The following MACROD2 variants were observed in gnomAD, a reference collection of about 807,000 sequenced individuals.
The protein encoded by MACROD2 is mono-ADP ribosylhydrolase 2.
In MACROD2, 36 loss-of-function variants were observed where a neutral mutation model predicts 70.4. The observed-to-expected ratio is 0.51, with a 90% CI of 0.39 to 0.68. The LOEUF is 0.68. Among genes scored for constraint, MACROD2 ranks in the 30% least tolerant of loss-of-function variants. MACROD2 has a pLI of 0.00. For synonymous variants in MACROD2, 172 were observed against 178.8 expected (o/e 0.96, Z 0.30); for missense variants, 496 against 538.4 (o/e 0.92, Z 0.78).
chr20:14,159,007 C>T (rs1195572935), intron 3 of MACROD2, among the ~76,000 whole-genome samples: 1 of 152,084 alleles, frequency 6.6e-6, no homozygotes, highest in African/African-American at 2.4e-5. Flanking sequence ...GAAGCTGAGG[C>T]AGGTGGATTG....
chr20:15,195,363 A>G lies in MACROD2; in HGVS notation c.419-34577A>G, dbSNP rs1018464575. On this transcript the variant is annotated intron_variant, in intron 5 of 17. Transcript: ENST00000684519. ...GACAAAGTTCTAATATCCAGATTCT[A>G]TAAGAAACTTAAACAAATTTACAGG... Among the ~76,000 whole-genome samples the G allele has an allele frequency of 5.3e-5, 8 of 152,342 alleles. No homozygotes were observed. The East Asian group carries it at 1.3e-3, about 26-fold the overall frequency.
At chr20:16,004,634 C>T (rs1333471902) in intron 15 of MACROD2, among the ~76,000 whole-genome samples, 3 of 152,240 alleles carry the variant, frequency 2.0e-5, no homozygotes, top group African/African-American at 2.4e-5. Context: ...GCCTTTATCT[C>T]GGCTGTTTGC....
intron 3 of MACROD2, among the ~76,000 whole-genome samples, chr20:14,260,412 T>C (rs191533489): frequency 6.6e-6 from 1 of 152,240 alleles, no homozygotes; most frequent in Non-Finnish European, 1.5e-5. Context: ...TTCTCAAAGA[T>C]AAAGGTACTT....
intron 5 of MACROD2, among the ~76,000 whole-genome samples, chr20:15,101,821 A>G (rs1426128237): frequency 6.6e-6 from 1 of 152,004 alleles, no homozygotes; most frequent in African/African-American, 2.4e-5. Flanking sequence ...TGTATTATTT[A>G]AAGTATTGAT....
intron 3 of MACROD2, among the ~76,000 whole-genome samples, chr20:14,479,780 ATT>A (rs200722109): frequency 6.6e-6 from 1 of 152,180 alleles, no homozygotes; most frequent in East Asian, 1.9e-4. Context: ...CTTGTAAAAA[ATT>A]TTAAAAAAAA....
chr20:15,450,486 C>T (rs6043287), intron 7 of MACROD2, among the ~76,000 whole-genome samples: 71,306 of 151,640 alleles, frequency 0.47, 17,340 homozygotes, highest in African/African-American at 0.61. Context: ...GTTTTAAATG[C>T]TTATATGTAC....
chr20:15,565,382 T>C (rs1372230583), intron 8 of MACROD2, among the ~76,000 whole-genome samples: 1 of 152,212 alleles, frequency 6.6e-6, no homozygotes, highest in East Asian at 1.9e-4. Flanking sequence ...GCAAACTTCA[T>C]GTTTATATGG....
At chr20:14,325,978 G>A (rs1461883225) in intron 3 of MACROD2, 2 of 1,613,780 alleles carry the variant, frequency 1.2e-6, no homozygotes, top group African/African-American at 1.3e-5. Context: ...GAGGGTGGTT[G>A]TAGGGTTGTA....
intron 3 of MACROD2, among the ~76,000 whole-genome samples, chr20:14,265,168 T>A (rs570074578): frequency 6.6e-6 from 1 of 152,308 alleles, no homozygotes; most frequent in African/African-American, 2.4e-5. Context: ...AGTTTGAATG[T>A]TTACACTGGG....
At chr20:14,507,534 T>TTA (rs145830844) in intron 4 of MACROD2, among the ~76,000 whole-genome samples, 26 of 152,148 alleles carry the variant, frequency 1.7e-4, no homozygotes, top group Middle Eastern at 3.4e-3. Context: ...TTAATGTTAT[T>TTA]TATATATATA....
At chr20:14,191,699 A>G (rs1228176698) in intron 3 of MACROD2, among the ~76,000 whole-genome samples, 1 of 152,216 alleles carries the variant, frequency 6.6e-6, no homozygotes, top group Non-Finnish European at 1.5e-5. Flanking sequence ...GAGCCAGGGA[A>G]TATTTGAAGG....
chr20:15,129,118 T>C (rs1372524629), intron 5 of MACROD2, among the ~76,000 whole-genome samples: 1 of 152,040 alleles, frequency 6.6e-6, no homozygotes, highest in Non-Finnish European at 1.5e-5. Flanking sequence ...ACATTTTTAT[T>C]AGAAAAATAA....
At chr20:14,276,389 A>T (rs1844792356) in intron 3 of MACROD2, among the ~76,000 whole-genome samples, 1 of 145,984 alleles carries the variant, frequency 6.9e-6, no homozygotes, top group African/African-American at 2.5e-5. Flanking sequence ...AAAAAACCAA[A>T]CACCGCATGT....
intron 5 of MACROD2, among the ~76,000 whole-genome samples, chr20:14,763,294 G>T (rs2072041605): frequency 6.6e-6 from 1 of 151,956 alleles, no homozygotes. Flanking sequence ...CGCTCATTTG[G>T]TGTTACTAGA....
chr20:14,507,075 C>T (rs1401006351), intron 4 of MACROD2, among the ~76,000 whole-genome samples: 1 of 151,910 alleles, frequency 6.6e-6, no homozygotes, highest in Non-Finnish European at 1.5e-5. Context: ...GAGAAAAAAA[C>T]AGTCAAAAAG....
At chr20:14,769,388 C>A (rs1482889683) in intron 5 of MACROD2, among the ~76,000 whole-genome samples, 1 of 152,066 alleles carries the variant, frequency 6.6e-6, no homozygotes, top group East Asian at 1.9e-4. Flanking sequence ...TTACTTTTGG[C>A]AAAGCAGTTC....
chr20:14,846,820 A>G (rs2073146959), intron 5 of MACROD2, among the ~76,000 whole-genome samples: 1 of 151,050 alleles, frequency 6.6e-6, no homozygotes, highest in African/African-American at 2.4e-5. Context: ...TCCGGCCTTA[A>G]TATGTAATTT....
At chr20:14,150,140 T>C (rs1324068290) in intron 3 of MACROD2, among the ~76,000 whole-genome samples, 1 of 152,128 alleles carries the variant, frequency 6.6e-6, no homozygotes, top group Non-Finnish European at 1.5e-5. Context: ...ACCATTTTTC[T>C]TCTCTCTTTC....
At chr20:14,165,331 TCTTA>T (rs2055252150) in intron 3 of MACROD2, among the ~76,000 whole-genome samples, 1 of 152,124 alleles carries the variant, frequency 6.6e-6, no homozygotes. Flanking sequence ...CTGGGGGATC[TCTTA>T]CTTATCATTT....
Sources: allele counts gnomAD v4.1 joint callset (sites outside exome capture counted in the v4.1 genomes callset), GRCh38; gene constraint gnomAD v4.1.1; transcripts MANE v1.5; gene names NCBI Gene and HGNC (gene_info 2026-07-23, HGNC 2026-07-21).